The following LTBP1 variants were observed in gnomAD, a reference collection of about 807,000 sequenced individuals.
LTBP1 encodes the protein latent-transforming growth factor beta-binding protein 1.
Under a neutral mutation model 207.6 loss-of-function variants are expected in LTBP1, and 129 were observed. The observed-to-expected ratio is 0.62, with a 90% CI of 0.54 to 0.72. The LOEUF (loss-of-function observed/expected upper bound fraction) is 0.72, where lower values mean the gene tolerates loss of function less well. LTBP1 is among the 30% of genes least tolerant of loss of function. The pLI is 0.00. For synonymous variants in LTBP1, 963 were observed against 833.7 expected, an observed-to-expected ratio of 1.16 and a Z score of -2.67; for missense variants, 2,281 against 2,217.2, an observed-to-expected ratio of 1.03 and a Z score of -0.58.
chr2:33,101,726 TAGG>T (rs1399702883), intron 3 of LTBP1, among the ~76,000 whole-genome samples: 1 of 152,186 alleles, frequency 6.6e-6, no homozygotes, highest in African/African-American at 2.4e-5. Context: ...TTTAGATAAA[TAGG>T]AGATGGCTAC....
intron 7 of LTBP1, among the ~76,000 whole-genome samples, chr2:33,191,185 G>A (rs890262964): frequency 2.0e-5 from 3 of 152,166 alleles, no homozygotes; most frequent in Non-Finnish European, 4.4e-5. Context: ...AAGAAAATGA[G>A]GCATAACAAA....
intron 11 of LTBP1, 82 bp downstream of exon 11, chr2:33,252,926 G>A: frequency 3.2e-6 from 4 of 1,236,724 alleles, no homozygotes; most frequent in Non-Finnish European, 4.3e-6. Flanking sequence ...TGGGTCATTT[G>A]TGGTTTCTGA....
chr2:33,162,329 T>A (rs890868776), intron 5 of LTBP1, among the ~76,000 whole-genome samples: 8 of 152,222 alleles, frequency 5.3e-5, no homozygotes, highest in Admixed American at 4.6e-4. Flanking sequence ...TAATCATTAT[T>A]TTTCTTGTTT....
At chr2:33,354,719 CACACACACA>C (rs2094834144) in intron 26 of LTBP1, among the ~76,000 whole-genome samples, 10 of 145,944 alleles carry the variant, frequency 6.9e-5, no homozygotes, top group African/African-American at 1.8e-4. Context: ...CACACACACA[CACACACACA>C]CCATTGTATC....
chr2:33,207,897 G>A (rs552175108), intron 7 of LTBP1, among the ~76,000 whole-genome samples: 6 of 152,214 alleles, frequency 3.9e-5, no homozygotes, highest in Non-Finnish European at 8.8e-5. Context: ...ATTGTCAGGA[G>A]TCACTTTTCC....
chr2:33,115,603 C>G lies in LTBP1; in HGVS notation c.1033+4852C>G, dbSNP rs559021336. Among the ~76,000 whole-genome samples, 6 of 152,198 alleles carry G rather than the reference C, an allele frequency of 3.9e-5. No homozygotes were observed. The South Asian group carries it at 1.0e-3, about 26-fold the overall frequency. On this transcript the variant is annotated intron_variant, in intron 4 of 33. Coordinates refer to ENST00000404816, the MANE Select transcript of LTBP1 (RefSeq NM_206943.4). Reference sequence around the variant, plus strand: ...AGCTCCAAGGAATTGAGCTCATAAGCTCTCAGAAGTCTAGGGATGGTGTGG... The same window carrying G: ...AGCTCCAAGGAATTGAGCTCATAAGGTCTCAGAAGTCTAGGGATGGTGTGG...
At chr2:33,160,977 T>C (rs1382698486) in intron 5 of LTBP1, among the ~76,000 whole-genome samples, 1 of 152,136 alleles carries the variant, frequency 6.6e-6, no homozygotes, top group Non-Finnish European at 1.5e-5. Context: ...TTCTTGCCCC[T>C]CTTGACCACT....
At chr2:33,190,800 A>G (rs986199647) in intron 7 of LTBP1, among the ~76,000 whole-genome samples, 1 of 152,242 alleles carries the variant, frequency 6.6e-6, no homozygotes, top group Non-Finnish European at 1.5e-5. Context: ...CATCGATCCC[A>G]CAAACACAGC....
At chr2:33,170,220 C>G (rs528813303) in intron 5 of LTBP1, among the ~76,000 whole-genome samples, 3 of 152,154 alleles carry the variant, frequency 2.0e-5, no homozygotes, top group African/African-American at 7.2e-5. Flanking sequence ...ACTCGGGAAG[C>G]GCAAGGGGTC....
Position 33,399,071 on chromosome 2 carries a change from C to G in LTBP1, c.*526C>G, listed in dbSNP as rs1339638859. ...CCCGGCCTGGAGCATTTTTGAAATT[C>G]AAATTGTCTGTCCTGTGGAGCAGGC... On this transcript the variant is annotated 3_prime_UTR_variant, in exon 34 of 34. Coordinates refer to ENST00000404816, the MANE Select transcript of LTBP1 (RefSeq NM_206943.4). The G allele has an allele frequency of 2.0e-5, 3 of 152,592 alleles. No homozygotes were observed. Among genetic ancestry groups the G allele is most frequent in the African/African-American group, 7.2e-5 (3 of 41,422 alleles). The allele number at this position is 152,592 out of a possible 1,614,324, so 9.5% of individuals were successfully genotyped here.
intron 24 of LTBP1, among the ~76,000 whole-genome samples, chr2:33,340,555 G>GTGAC (rs1441479763): frequency 2.0e-5 from 3 of 152,218 alleles, no homozygotes; most frequent in Non-Finnish European, 2.9e-5. Context: ...GAGGTCAGGG[G>GTGAC]TGACTGACCG....
intron 5 of LTBP1, among the ~76,000 whole-genome samples, chr2:33,183,940 G>A (rs553328374): frequency 1.0e-3 from 153 of 152,190 alleles, no homozygotes; most frequent in African/African-American, 3.6e-3. Flanking sequence ...GAAAGTTTCT[G>A]GGTTGTCACC....
At chr2:33,158,148 C>CAAAA (rs59789805) in intron 5 of LTBP1, among the ~76,000 whole-genome samples, 1 of 113,896 alleles carries the variant, frequency 8.8e-6, no homozygotes, top group African/African-American at 3.4e-5. Context: ...AAAAAAAAAA[C>CAAAA]AAAAAAAAAA....
chr2:33,126,321 G>C (rs572608612), intron 4 of LTBP1, among the ~76,000 whole-genome samples: 2 of 152,226 alleles, frequency 1.3e-5, no homozygotes, highest in Non-Finnish European at 2.9e-5. Flanking sequence ...CTCCCCCTCA[G>C]CCTCCCAAAG....
chr2:33,120,254 C>T (rs218196), intron 4 of LTBP1, among the ~76,000 whole-genome samples: 2,705 of 150,548 alleles, frequency 0.018, 37 homozygotes, highest in South Asian at 0.028. Context: ...ACACGTGTCA[C>T]GGGGTTTCGT....
intron 3 of LTBP1, among the ~76,000 whole-genome samples, chr2:33,027,831 A>G (rs1210906283): frequency 6.6e-6 from 1 of 152,188 alleles, no homozygotes; most frequent in African/African-American, 2.4e-5. Context: ...GCAAGACTCC[A>G]TCTCAGAAAA....
intron 18 of LTBP1, 56 bp downstream of exon 18, chr2:33,275,979 C>T: frequency 6.7e-7 from 1 of 1,502,896 alleles, no homozygotes; most frequent in Non-Finnish European, 8.9e-7. Context: ...GGTTGGTAGG[C>T]ACCTTGCCTG....
chr2:33,396,232 T>C (rs2095357082), intron 32 of LTBP1, among the ~76,000 whole-genome samples: 1 of 152,086 alleles, frequency 6.6e-6, no homozygotes, highest in Non-Finnish European at 1.5e-5. Context: ...TTTTTTGTCT[T>C]TTGTTTTTTT....
intron 3 of LTBP1, among the ~76,000 whole-genome samples, chr2:33,075,058 A>G (rs971881201): frequency 6.6e-6 from 1 of 152,026 alleles, no homozygotes; most frequent in African/African-American, 2.4e-5. Context: ...CTCAAAAAAC[A>G]AAACAAAACA....
Sources: gnomAD v4.1 joint callset for allele counts (sites outside exome capture counted in the v4.1 genomes callset) on GRCh38, gnomAD v4.1.1 for gene constraint, MANE v1.5 for transcripts, NCBI Gene and HGNC (gene_info 2026-07-23, HGNC 2026-07-21) for gene names.